FDX1: variants seen among roughly 807,000 people sequenced by gnomAD.
FDX1 encodes adrenodoxin, mitochondrial.
FDX1 carries 9 observed loss-of-function variants against 14.9 expected under a neutral mutation model. That is an observed-to-expected ratio of 0.60 (90% CI 0.36 to 1.05). The LOEUF is 1.05. Ranked by LOEUF, FDX1 falls within the 50% of genes least tolerant of loss-of-function variation. The pLI is 0.01. For synonymous variants in FDX1, 92 were observed against 99.4 expected, an observed-to-expected ratio of 0.93 and a Z score of 0.44; for missense variants, 204 against 237.2, an observed-to-expected ratio of 0.86 and a Z score of 0.92.
intron 2 of FDX1, among the ~76,000 whole-genome samples, chr11:110,453,574 C>T (rs1314778613): frequency 2.0e-5 from 3 of 149,312 alleles, no homozygotes. Context: ...TTTTTTCCTC[C>T]TAAATACCCT....
chr11:110,459,548 G>A (rs186754147), intron 3 of FDX1, among the ~76,000 whole-genome samples: 1 of 152,310 alleles, frequency 6.6e-6, no homozygotes, highest in East Asian at 1.9e-4. Flanking sequence ...GGGCCCCAAA[G>A]CCTTTAGTCT....
chr11:110,440,695 A>T (rs1274228583), intron 2 of FDX1, among the ~76,000 whole-genome samples: 1 of 152,246 alleles, frequency 6.6e-6, no homozygotes, highest in Non-Finnish European at 1.5e-5. Context: ...CAAATCAATA[A>T]CATTGGAATG....
intron 1 of FDX1, among the ~76,000 whole-genome samples, chr11:110,431,114 A>G (rs899010460): frequency 6.6e-6 from 1 of 151,434 alleles, no homozygotes. Context: ...CAGCAGCAGC[A>G]GCAGCAGCAG....
At chr11:110,438,440 A>G (rs1946384365) in intron 2 of FDX1, among the ~76,000 whole-genome samples, 1 of 151,442 alleles carries the variant, frequency 6.6e-6, no homozygotes, top group South Asian at 2.1e-4. Context: ...TTATTTATTT[A>G]TTTTTGACAC....
intron 2 of FDX1, among the ~76,000 whole-genome samples, chr11:110,444,650 G>GTATATATA (rs1225899200): frequency 1.9e-5 from 1 of 53,836 alleles, no homozygotes. Context: ...GTGTGTGTGT[G>GTATATATA]TATATATATA....
At chr11:110,456,509 C>CTTTTTTTTTTTTTTTTTTT (rs11463993) in intron 2 of FDX1, among the ~76,000 whole-genome samples, 3 of 83,810 alleles carry the variant, frequency 3.6e-5, no homozygotes, top group East Asian at 7.9e-4. Context: ...TTTATGTATT[C>CTTTTTTTTTTTTTTTTTTT]TTTTTTTTTT....
At chr11:110,457,138 T>A in intron 3 of FDX1, 91 bp downstream of exon 3, 2 of 1,128,308 alleles carry the variant, frequency 1.8e-6, no homozygotes, top group Non-Finnish European at 2.5e-6. Context: ...CCCATAAATG[T>A]AATAGTGTTC....
rs1946319250 is a variant in FDX1, at chr11:110,430,111, A to ATC, written c.-10_-9insTC. 1 of 1,231,896 alleles carries ATC rather than the reference A, an allele frequency of 8.1e-7. No individual in the cohort carries two copies. Among genetic ancestry groups the ATC allele is most frequent in the African/African-American group, 1.6e-5 (1 of 63,602 alleles). 76.3% of individuals were successfully genotyped at this position (1,231,896 alleles called of 1,614,324 possible). On this transcript the variant is annotated 5_prime_UTR_variant, in exon 1 of 4. Transcript: ENST00000260270. ...CCTGCGTCGCTTCCGGCAGTTCCCG[A>ATC]CCGCGGGCGATGGCTGCCGCTGGGG...
chr11:110,432,044 G>T (rs1373079344), intron 1 of FDX1, among the ~76,000 whole-genome samples: 2 of 152,160 alleles, frequency 1.3e-5, no homozygotes, highest in Non-Finnish European at 2.9e-5. Context: ...GCCACATGTG[G>T]CTAGTGGCTA....
rs566751508 is a variant in FDX1, at chr11:110,450,812, A to G, written c.311-6106A>G. Among the ~76,000 whole-genome samples, 3 of 152,304 alleles carry G rather than the reference A, an allele frequency of 2.0e-5. No individual in the cohort carries two copies. In the South Asian group the frequency reaches 6.2e-4, roughly 32 times the overall value. ...CATATATGTGTATATCCATGTATAT[A>G]TATACATGTACATACATGTATACAC... is the stretch of plus-strand genomic sequence containing the variant. On this transcript the variant is annotated intron_variant, in intron 2 of 3. Coordinates refer to ENST00000260270, the MANE Select transcript of FDX1 (RefSeq NM_004109.5).
chr11:110,445,452 A>G (rs907532309), intron 2 of FDX1, among the ~76,000 whole-genome samples: 1 of 152,198 alleles, frequency 6.6e-6, no homozygotes, highest in Non-Finnish European at 1.5e-5. Context: ...CATGAAATCA[A>G]TTTAGTCACT....
intron 2 of FDX1, 100 bp downstream of exon 2, chr11:110,436,058 G>T (rs772711311): frequency 1.0e-6 from 1 of 996,632 alleles, no homozygotes; most frequent in Non-Finnish European, 1.5e-6. Context: ...CCTATAGCAT[G>T]CTATGTAAAA....
chr11:110,438,872 A>G (rs1946387451), intron 2 of FDX1, among the ~76,000 whole-genome samples: 1 of 151,504 alleles, frequency 6.6e-6, no homozygotes, highest in Non-Finnish European at 1.5e-5. Context: ...GTTTGTGAAT[A>G]TTTTCTCTCA....
At chr11:110,436,525 C>T (rs13328837) in intron 2 of FDX1, among the ~76,000 whole-genome samples, 2,316 of 152,018 alleles carry the variant, frequency 0.015, 49 homozygotes, top group African/African-American at 0.049. Flanking sequence ...TTTCCTTGAC[C>T]GTTAGCATTA....
chr11:110,448,319 T>C (rs188218422), intron 2 of FDX1, among the ~76,000 whole-genome samples: 66 of 152,358 alleles, frequency 4.3e-4, no homozygotes, highest in African/African-American at 1.3e-3. Flanking sequence ...CTATGCTAGA[T>C]CAATCTTTAA....
rs755370118 is a variant in FDX1, at chr11:110,430,766, GA to G, written c.185+462del. Among the ~76,000 whole-genome samples the G allele has an allele frequency of 3.3e-5, 5 of 152,178 alleles. No individual in the cohort carries two copies. The East Asian group carries it at 9.6e-4, about 29-fold the overall frequency. On this transcript the variant is annotated intron_variant, in intron 1 of 3. Transcript: ENST00000260270. ...TTTTCAGGGCCTTGCCCTGCTTTGA[GA>G]GGACACCCAGGTCCCAGGTCTTTGT...
At chr11:110,433,734 GGT>G (rs1340452126) in intron 1 of FDX1, among the ~76,000 whole-genome samples, 1 of 113,258 alleles carries the variant, frequency 8.8e-6, no homozygotes, top group African/African-American at 3.9e-5. Context: ...GGAACATTCT[GGT>G]ACACACACAC....
chr11:110,436,569 C>G (rs1283147555), intron 2 of FDX1, among the ~76,000 whole-genome samples: 1 of 145,372 alleles, frequency 6.9e-6, no homozygotes, highest in Non-Finnish European at 1.5e-5. Flanking sequence ...CTCAGACACT[C>G]CTCCCCCACC....
intron 3 of FDX1, among the ~76,000 whole-genome samples, chr11:110,458,952 G>A (rs1049853446): frequency 6.6e-6 from 1 of 152,132 alleles, no homozygotes; most frequent in Non-Finnish European, 1.5e-5. Context: ...ATGGATGGAT[G>A]GATGATACAT....
Sources: gnomAD v4.1 joint callset for allele counts (sites outside exome capture counted in the v4.1 genomes callset) on GRCh38, gnomAD v4.1.1 for gene constraint, MANE v1.5 for transcripts, NCBI Gene and HGNC (gene_info 2026-07-23, HGNC 2026-07-21) for gene names.